RDH14: variants seen among roughly 807,000 people sequenced by gnomAD.
RDH14 encodes the protein retinol dehydrogenase 14, also known as alcohol dehydrogenase PAN2.
Under a neutral mutation model 19.3 loss-of-function variants are expected in RDH14, and 17 were observed. The observed-to-expected ratio is 0.88, with a 90% CI of 0.60 to 1.32. The LOEUF (loss-of-function observed/expected upper bound fraction) is 1.32, where lower values mean the gene tolerates loss of function less well. Ranked by LOEUF, RDH14 falls within the 40% of genes most tolerant of loss-of-function variation. The probability of loss-of-function intolerance (pLI) is 0.00; values close to 1 mark genes in which losing one functional copy is unlikely to be tolerated. For synonymous variants in RDH14, 215 were observed against 188.9 expected, an observed-to-expected ratio of 1.14 and a Z score of -1.13; for missense variants, 534 against 449.2, an observed-to-expected ratio of 1.19 and a Z score of -1.71.
At position 18,554,891 on chromosome 2, in the gene RDH14, C is replaced by T. The variant is rs916789769; in HGVS notation, c.*300G>A. On this transcript the variant is annotated 3_prime_UTR_variant, in exon 2 of 2. Coordinates refer to ENST00000381249, the MANE Select transcript of RDH14 (RefSeq NM_020905.4). Reference sequence around the variant, plus strand: ...CGATAGCACTTTGAGTCACTTAATTCTGACAAATATTAATATGTCATCCAT... The same window carrying T: ...CGATAGCACTTTGAGTCACTTAATTTTGACAAATATTAATATGTCATCCAT... 10 of 261,042 alleles carry T rather than the reference C, an allele frequency of 3.8e-5. No individual in the cohort carries two copies. Among genetic ancestry groups the T allele is most frequent in the Middle Eastern group, 1.4e-3 (1 of 738 alleles). 16.2% of individuals were successfully genotyped at this position (261,042 alleles called of 1,614,324 possible).
In RDH14 at chr2:18,560,457, C is replaced by T. The variant is rs1360591363; in HGVS notation, c.116G>A (p.Gly39Asp). The T allele has an allele frequency of 2.6e-6, 4 of 1,513,512 alleles. No individual in the cohort carries two copies. In the Admixed American group the frequency reaches 6.1e-5, roughly 23 times the overall value. The allele number at this position is 1,513,512 out of a possible 1,614,324, so 93.8% of individuals were successfully genotyped here. Residue 39 changes from glycine to aspartate, a missense_variant, in exon 1 of 2, where the codon GGC (glycine) becomes GAC (aspartate). By Grantham distance (94) the Gly-to-Asp change is moderately conservative. Transcript: ENST00000381249. ...CAGCACAGTCTTCCCGTGCATGAGG[C>T]CGGGGTCCCCGCCTCTGCGCAGCCG... ...VQRLRRGGDP[G>D]LMHGKTVLIT...
intron 1 of RDH14, among the ~76,000 whole-genome samples, chr2:18,557,587 C>A (rs190108880): frequency 6.1e-4 from 93 of 152,024 alleles, no homozygotes; most frequent in Non-Finnish European, 8.4e-4. Context: ...TTTTTAAATT[C>A]TACGAGATAA....
At chr2:18,559,006 C>G (rs1218257334) in intron 1 of RDH14, among the ~76,000 whole-genome samples, 1 of 152,218 alleles carries the variant, frequency 6.6e-6, no homozygotes, top group Non-Finnish European at 1.5e-5. Context: ...GCCTGAGGTT[C>G]TGCCACGGGT....
chr2:18,556,941 C>T (rs1209155407), intron 1 of RDH14, among the ~76,000 whole-genome samples: 3 of 152,038 alleles, frequency 2.0e-5, no homozygotes, highest in Non-Finnish European at 4.4e-5. Context: ...GCAAACTTAA[C>T]ACTGGAGAGA....
chr2:18,555,238 T>A lies in RDH14; in HGVS notation c.964A>T (p.Arg322Ter). 1 of 1,614,160 alleles carries A rather than the reference T, an allele frequency of 6.2e-7. No individual in the cohort carries two copies. Among genetic ancestry groups the A allele is most frequent in the Non-Finnish European group, 8.5e-7 (1 of 1,179,982 alleles). The change falls in exon 2 of 2, where the codon AGA becomes TGA. Residue 322 changes from arginine to a stop codon, truncating the protein, a stop_gained. Transcript: ENST00000381249. LOFTEE classifies it high-confidence loss of function. ...LPKAMDESVA[R>*]KLWDISEVMV... ...ACTTCACTGATATCCCAGAGTTTTC[T>A]TGCAACAGATTCATCCATAGCTTTG...
chr2:18,557,792 G>T (rs1663963510), intron 1 of RDH14, among the ~76,000 whole-genome samples: 1 of 152,040 alleles, frequency 6.6e-6, no homozygotes, highest in South Asian at 2.1e-4. Flanking sequence ...AGCAAACCCA[G>T]CCCCATCTAT....
chr2:18,560,563 C>A lies in RDH14; in HGVS notation c.10G>T (p.Ala4Ser). 1 of 1,486,166 alleles carries A rather than the reference C, an allele frequency of 6.7e-7. No individual in the cohort carries two copies. The highest frequency in any genetic ancestry group is 8.9e-7 in the Non-Finnish European group (1 of 1,127,422). 92.1% of individuals were successfully genotyped at this position (1,486,166 alleles called of 1,614,324 possible). The change falls in exon 1 of 2, where the codon GCC (alanine) becomes TCC (serine). Residue 4 changes from alanine to serine, a missense_variant. Transcript: ENST00000381249. ...GCGGCCAGTACTGCCGCCGCAGTGG[C>A]CACTGCCATCGTCAGGCCCGAGGGC... MAV[A>S]TAAAVLAALG...
At chr2:18,556,229 AC>A (rs1429543717) in intron 1 of RDH14, among the ~76,000 whole-genome samples, 2 of 152,344 alleles carry the variant, frequency 1.3e-5, no homozygotes, top group Admixed American at 1.3e-4. Flanking sequence ...AAAGTTGACT[AC>A]GTGATCAGTA....
chr2:18,558,227 T>C (rs1663977611), intron 1 of RDH14, among the ~76,000 whole-genome samples: 1 of 152,194 alleles, frequency 6.6e-6, no homozygotes, highest in South Asian at 2.1e-4. Flanking sequence ...GATTCCAAGG[T>C]TTCAGACACT....
intron 1 of RDH14, among the ~76,000 whole-genome samples, chr2:18,559,282 C>A (rs1392658885): frequency 6.6e-6 from 1 of 152,218 alleles, no homozygotes; most frequent in Non-Finnish European, 1.5e-5. Context: ...TGTGGAATTA[C>A]TTACCATTTG....
Position 18,555,143 on chromosome 2 carries a change from G to C in RDH14, c.*48C>G. On this transcript the variant is annotated 3_prime_UTR_variant, in exon 2 of 2. Transcript: ENST00000381249. ...TCAATCCACACCATTCCTGATCACA[G>C]ATATAACTGATATGCAGTTTTATAA... 1.3e-6 allele frequency: 2 copies of C among 1,584,204 alleles called. No homozygotes were observed. Among genetic ancestry groups the C allele is most frequent in the Non-Finnish European group, 1.7e-6 (2 of 1,165,236 alleles).
In RDH14 at chr2:18,560,616, A is replaced by G. The variant is rs1354793628; in HGVS notation, c.-44T>C. On this transcript the variant is annotated 5_prime_UTR_variant, in exon 1 of 2. Transcript: ENST00000381249. ...ACCGGCCCCTCCACGGGAGTTCCGC[A>G]GCCGCCGCCTTACCGGAACCCAAGA... The G allele has an allele frequency of 7.2e-7, 1 of 1,385,774 alleles. No individual in the cohort carries two copies. The highest frequency in any genetic ancestry group is 3.1e-5 in the East Asian group (1 of 32,710). 85.8% of individuals were successfully genotyped at this position (1,385,774 alleles called of 1,614,324 possible).
rs754015821 is a variant in RDH14, at chr2:18,555,229, A to G, written c.973T>C (p.Trp325Arg). 15 of 1,613,948 alleles carry G rather than the reference A, an allele frequency of 9.3e-6. No homozygotes were observed. Among genetic ancestry groups the G allele is most frequent in the African/African-American group, 4.0e-5 (3 of 74,922 alleles). Reference protein sequence around the residue: ...AMDESVARKLWDISEVMVGLL... With the variant: ...AMDESVARKLRDISEVMVGLL... ...CCAACCATCACTTCACTGATATCCCAGAGTTTTCTTGCAACAGATTCATCC... is the reference window on the plus strand; with the variant it reads ...CCAACCATCACTTCACTGATATCCCGGAGTTTTCTTGCAACAGATTCATCC... Residue 325 changes from tryptophan (W) to arginine (R), a missense_variant, in exon 2 of 2, where the codon TGG becomes CGG. Coordinates refer to ENST00000381249, the MANE Select transcript of RDH14 (RefSeq NM_020905.4).
At position 18,555,396 on chromosome 2, in the gene RDH14, T is replaced by C. The variant is rs201317560; in HGVS notation, c.806A>G (p.Asn269Ser). Residue 269 changes from asparagine to serine, a missense_variant, in exon 2 of 2, where the codon AAT (asparagine) becomes AGT (serine). Physicochemically the swap from Asn to Ser is conservative, Grantham distance 46. Coordinates refer to ENST00000381249, the MANE Select transcript of RDH14 (RefSeq NM_020905.4). ...TTTGAAAAAAGCCCATGACACCAAA[T>C]TGAAGAGTGGTTTGACCAACAGTGG... Reference protein sequence around the residue: ...HIPLLVKPLFNLVSWAFFKTP... With the variant: ...HIPLLVKPLFSLVSWAFFKTP... 8.1e-6 allele frequency: 13 copies of C among 1,614,094 alleles called. No individual in the cohort carries two copies. Among genetic ancestry groups the C allele is most frequent in the African/African-American group, 4.0e-5 (3 of 75,024 alleles).
chr2:18,556,992 A>T (rs1663940005), intron 1 of RDH14, among the ~76,000 whole-genome samples: 1 of 152,252 alleles, frequency 6.6e-6, no homozygotes. Flanking sequence ...ATAATCAAAG[A>T]TTAAGAAAAA....
intron 1 of RDH14, among the ~76,000 whole-genome samples, chr2:18,556,976 T>C (rs78038889): frequency 0.018 from 2,671 of 152,146 alleles, 32 homozygotes; most frequent in Non-Finnish European, 0.028. Flanking sequence ...TCGAGATTCA[T>C]AAAGAATAAT....
At chr2:18,555,861 T>C (rs778050819) in intron 1 of RDH14, 53 bp from the exon 2 acceptor site, 123 of 1,522,280 alleles carry the variant, frequency 8.1e-5, no homozygotes, top group Admixed American at 2.8e-4. Flanking sequence ...ACGCCTTGTA[T>C]TGCTTTTTCT....
At position 18,560,647 on chromosome 2, in the gene RDH14, C is replaced by G; in HGVS notation, c.-75G>C. 1 of 1,361,120 alleles carries G rather than the reference C, an allele frequency of 7.3e-7. No homozygotes were observed. Among genetic ancestry groups the G allele is most frequent in the Non-Finnish European group, 9.4e-7 (1 of 1,064,392 alleles). The allele number at this position is 1,361,120 out of a possible 1,614,324, so 84.3% of individuals were successfully genotyped here. ...CGCCTTACCGGAACCCAAGAGACCA[C>G]CTGTACGCGGAGAACGCTGGGGCGC... On this transcript the variant is annotated 5_prime_UTR_variant, in exon 1 of 2. Coordinates refer to ENST00000381249, the MANE Select transcript of RDH14 (RefSeq NM_020905.4).
chr2:18,555,449 C>A lies in RDH14; in HGVS notation c.753G>T (p.Arg251=). Residue 251 remains arginine, a synonymous_variant, in exon 2 of 2, where the codon CGG becomes CGT. Transcript: ENST00000381249. ...TGTGTATGTGCCTCCCCAGATTTGTCCGTACAATACCAGGATGCAACACAT... is the reference window on the plus strand; with the variant it reads ...TGTGTATGTGCCTCCCCAGATTTGTACGTACAATACCAGGATGCAACACAT... ...TVNVLHPGIV[R]TNLGRHIHIP... is the part of the protein sequence containing the mutation. 1 of 1,614,110 alleles carries A rather than the reference C, an allele frequency of 6.2e-7. No homozygotes were observed. Among genetic ancestry groups the A allele is most frequent in the African/African-American group, 1.3e-5 (1 of 75,020 alleles).
Sources: allele counts gnomAD v4.1 joint callset (sites outside exome capture counted in the v4.1 genomes callset), GRCh38; gene constraint gnomAD v4.1.1; transcripts MANE v1.5; gene names NCBI Gene and HGNC (gene_info 2026-07-23, HGNC 2026-07-21).